FARS2: variants seen among roughly 807,000 people sequenced by gnomAD.
FARS2 encodes the protein phenylalanyl-tRNA synthetase 2, mitochondrial.
In FARS2, 40 loss-of-function variants were observed where a neutral mutation model predicts 46.4. The ratio of observed to expected loss-of-function variants is 0.86; its 90% confidence interval spans 0.67 to 1.12. FARS2 has a LOEUF of 1.12. Among genes scored for constraint, FARS2 ranks in the 50% most tolerant of loss-of-function variants. FARS2 has a pLI of 0.00. For missense variants in FARS2, 513 were observed against 567.9 expected (o/e 0.90, Z 0.98); for synonymous variants, 234 against 214.9 (o/e 1.09, Z -0.78).
rs941402561 is a variant in FARS2, at chr6:5,471,439, A to T, written c.904+40267A>T. ...TATCCCAACTAGCCCTTCATTTACG[A>T]AGAACCAAAGGGAAACTCCAGGACT... On this transcript the variant is annotated intron_variant, in intron 4 of 6. Coordinates refer to ENST00000274680, the MANE Select transcript of FARS2 (RefSeq NM_006567.5). This position sits in a 1 kb window ranked among gnomAD's most constrained non-coding sequence, Gnocchi z 4.1. Among the ~76,000 whole-genome samples the T allele has an allele frequency of 1.3e-5, 2 of 152,180 alleles. No homozygotes were observed. Among genetic ancestry groups the T allele is most frequent in the African/African-American group, 4.8e-5 (2 of 41,442 alleles).
chr6:5,427,228 G>C (rs2503832), intron 3 of FARS2, among the ~76,000 whole-genome samples: 117,618 of 152,108 alleles, frequency 0.77, 45,812 homozygotes, highest in East Asian at 0.93. Context: ...CTGGGCAAGT[G>C]CTGTCTTTCT....
intron 6 of FARS2, among the ~76,000 whole-genome samples, chr6:5,656,629 C>T (rs1777620433): frequency 6.6e-6 from 1 of 152,002 alleles, no homozygotes; most frequent in South Asian, 2.1e-4. Flanking sequence ...CAGCTCACTG[C>T]AACCTCCGCC....
intron 6 of FARS2, among the ~76,000 whole-genome samples, chr6:5,740,287 T>G (rs1375858833): frequency 6.6e-6 from 1 of 152,226 alleles, no homozygotes; most frequent in Non-Finnish European, 1.5e-5. Flanking sequence ...AAGTTTCAGC[T>G]GTTGCTTAAA....
intron 5 of FARS2, among the ~76,000 whole-genome samples, chr6:5,611,166 C>T (rs1483256323): frequency 6.6e-6 from 1 of 152,184 alleles, no homozygotes; most frequent in African/African-American, 2.4e-5. Context: ...ATGAAAAGTA[C>T]TGTGCAAGAG....
At chr6:5,341,235 ATTTT>A (rs70974193) in intron 1 of FARS2, among the ~76,000 whole-genome samples, 3 of 10,272 alleles carry the variant, frequency 2.9e-4, no homozygotes, top group African/African-American at 5.2e-4. Flanking sequence ...ATATATATAT[ATTTT>A]TTTTTTTTTT....
intron 1 of FARS2, among the ~76,000 whole-genome samples, chr6:5,363,830 T>C (rs1243422207): frequency 6.6e-6 from 1 of 152,234 alleles, no homozygotes; most frequent in East Asian, 1.9e-4. Flanking sequence ...TTTGCCCACT[T>C]ATATCTTGCT....
intron 3 of FARS2, 79 bp downstream of exon 3, chr6:5,404,780 T>C: frequency 2.0e-6 from 2 of 1,013,924 alleles, no homozygotes; most frequent in Non-Finnish European, 2.7e-6. Context: ...GGTTTTTTTT[T>C]TTTTTTTCAT....
intron 6 of FARS2, among the ~76,000 whole-genome samples, chr6:5,645,012 T>C (rs969642065): frequency 6.6e-6 from 1 of 152,218 alleles, no homozygotes; most frequent in Non-Finnish European, 1.5e-5. Context: ...AGAAGTGATA[T>C]GCAGGCACAG....
At chr6:5,405,230 C>T (rs1340383074) in intron 3 of FARS2, among the ~76,000 whole-genome samples, 1 of 152,004 alleles carries the variant, frequency 6.6e-6, no homozygotes, top group Non-Finnish European at 1.5e-5. Context: ...TAAATAATTT[C>T]GTGCGTGAAA....
intron 6 of FARS2, among the ~76,000 whole-genome samples, chr6:5,664,776 C>G (rs187047521): frequency 2.0e-5 from 3 of 152,272 alleles, no homozygotes; most frequent in African/African-American, 7.2e-5. Flanking sequence ...ACTGTGATCT[C>G]TGAAGATTCC....
In FARS2 at chr6:5,432,408, T is replaced by A. The variant is rs367949907; in HGVS notation, c.904+1236T>A. Among the ~76,000 whole-genome samples, 600 of 122,684 alleles carry A rather than the reference T, an allele frequency of 4.9e-3. 6 individuals are homozygous for A. Among genetic ancestry groups the A allele is most frequent in the Non-Finnish European group, 8.6e-3 (517 of 59,774 alleles). 80.5% of individuals were successfully genotyped at this position (122,684 alleles called of 152,430 possible). A position where few individuals can be genotyped will look rare whatever the true frequency, so the allele number is the denominator to read the frequency against. On this transcript the variant is annotated intron_variant, in intron 4 of 6. Coordinates refer to ENST00000274680, the MANE Select transcript of FARS2 (RefSeq NM_006567.5). ...ATTATACATTATATATATTATGTATTATATATAATATATAATATATTATAA... is the reference window on the plus strand; with the variant it reads ...ATTATACATTATATATATTATGTATAATATATAATATATAATATATTATAA...
chr6:5,726,720 T>C (rs924664546), intron 6 of FARS2, among the ~76,000 whole-genome samples: 3 of 152,218 alleles, frequency 2.0e-5, no homozygotes, highest in Non-Finnish European at 4.4e-5. Flanking sequence ...GGGTGGGGCA[T>C]GTCAGTTCTT....
intron 6 of FARS2, among the ~76,000 whole-genome samples, chr6:5,766,388 G>A (rs1207555327): frequency 2.6e-5 from 4 of 152,164 alleles, no homozygotes; most frequent in Admixed American, 6.5e-5. Context: ...GCCCCTATAA[G>A]CAGGAAAGAC....
intron 6 of FARS2, among the ~76,000 whole-genome samples, chr6:5,766,105 G>A (rs189409148): frequency 5.3e-5 from 8 of 152,304 alleles, no homozygotes; most frequent in African/African-American, 1.9e-4. Context: ...TTAGTAATGG[G>A]CAATCTGGTT....
In FARS2 at chr6:5,727,263, C is replaced by A. The variant is rs1045580688; in HGVS notation, c.1218-44028C>A. Among the ~76,000 whole-genome samples the A allele has an allele frequency of 6.6e-6, 1 of 152,204 alleles. No homozygotes were observed. Among genetic ancestry groups the A allele is most frequent in the Non-Finnish European group, 1.5e-5 (1 of 68,040 alleles). ...AGTGGTTCAGATGGTTCAAATGCAGCCTCCTCTATGAGGTTGGACCCCGTT... is the reference window on the plus strand; with the variant it reads ...AGTGGTTCAGATGGTTCAAATGCAGACTCCTCTATGAGGTTGGACCCCGTT... On this transcript the variant is annotated intron_variant, in intron 6 of 6. Transcript: ENST00000274680. The surrounding 1 kb of genome is among the most constrained non-coding windows in gnomAD (Gnocchi z 4.1).
At chr6:5,377,526 CATTATT>C (rs147771430) in intron 2 of FARS2, among the ~76,000 whole-genome samples, 33 of 151,784 alleles carry the variant, frequency 2.2e-4, no homozygotes, top group African/African-American at 8.0e-4. Context: ...ATTCTGTCTC[CATTATT>C]ATTATTATTA....
rs189420695 is a variant in FARS2 at position 5,420,465 on chromosome 6, C to T, written c.773-10576C>T. Among the ~76,000 whole-genome samples the T allele has an allele frequency of 6.6e-5, 10 of 152,272 alleles. No homozygotes were observed. In the East Asian group the frequency reaches 1.9e-3, roughly 29 times the overall value. On this transcript the variant is annotated intron_variant, in intron 3 of 6. Coordinates refer to ENST00000274680, the MANE Select transcript of FARS2 (RefSeq NM_006567.5). ...AAAATCCAAAGCAAGTTAGTTACTT[C>T]CTAGATACAATGGGGGTACTGGCAT...
At chr6:5,298,221 C>T (rs941845764) in intron 1 of FARS2, among the ~76,000 whole-genome samples, 1 of 152,214 alleles carries the variant, frequency 6.6e-6, no homozygotes, top group Non-Finnish European at 1.5e-5. Flanking sequence ...TGTGTCACTT[C>T]ATGTCACTCT....
At chr6:5,491,930 T>G (rs1438156404) in intron 4 of FARS2, among the ~76,000 whole-genome samples, 1 of 152,128 alleles carries the variant, frequency 6.6e-6, no homozygotes, top group East Asian at 1.9e-4. Flanking sequence ...TTTCCTGGTA[T>G]GTACATTCTT....
Sources: gnomAD v4.1 joint callset for allele counts (sites outside exome capture counted in the v4.1 genomes callset) on GRCh38, gnomAD v4.1.1 for gene constraint, Gnocchi (gnomAD v3.1) non-coding constraint, MANE v1.5 for transcripts, NCBI Gene and HGNC (gene_info 2026-07-23, HGNC 2026-07-21) for gene names.